ANXA2: variants seen among roughly 807,000 people sequenced by gnomAD.
ANXA2 encodes the protein annexin II.
A neutral mutation model predicts 47.3 loss-of-function variants in ANXA2; 28 were observed. The observed-to-expected ratio is 0.59, with a 90% CI of 0.44 to 0.81. ANXA2 has a LOEUF of 0.81. ANXA2 is among the 40% of genes least tolerant of loss of function. The probability of loss-of-function intolerance (pLI) is 0.00; values close to 1 mark genes in which losing one functional copy is unlikely to be tolerated. For synonymous variants in ANXA2, 172 were observed against 155.5 expected (o/e 1.11, Z -0.79); for missense variants, 384 against 414.3 (o/e 0.93, Z 0.64).
chr15:60,349,143 C>T lies in ANXA2; in HGVS notation c.892G>A (p.Val298Met). ...TCAGACCTAATTTTCAACATGTCCA[C>T]TTCACTGCGGGAGACCATGATTCTG... ...LIRIMVSRSE[V>M]DMLKIRSEFK... Residue 298 changes from valine to methionine, a missense_variant, in exon 12 of 13, where the codon GTG becomes ATG. Physicochemically the swap from Val to Met is conservative, Grantham distance 21. Coordinates refer to ENST00000451270, the MANE Select transcript of ANXA2 (RefSeq NM_004039.3). 6.2e-7 allele frequency: 1 copy of T among 1,614,078 alleles called. No homozygotes were observed. Among genetic ancestry groups the T allele is most frequent in the South Asian group, 1.1e-5 (1 of 91,078 alleles).
chr15:60,386,216 C>G, intron 1 of ANXA2, 130 bp from the exon 2 acceptor site: 1 of 659,122 alleles, frequency 1.5e-6, no homozygotes, highest in South Asian at 2.0e-5. Context: ...TTTTTGCAAA[C>G]AGATGCAATT....
chr15:60,370,805 G>A (rs775371142), intron 3 of ANXA2, among the ~76,000 whole-genome samples: 2 of 152,290 alleles, frequency 1.3e-5, no homozygotes, highest in Admixed American at 6.5e-5. Context: ...TTTGCTGGGC[G>A]GAAGGGCACA....
intron 3 of ANXA2, among the ~76,000 whole-genome samples, chr15:60,375,479 C>G (rs1289313166): frequency 2.6e-5 from 4 of 152,154 alleles, no homozygotes. Context: ...TTATTTGGAC[C>G]CATATGGTAA....
intron 5 of ANXA2, 47 bp downstream of exon 5, chr15:60,360,894 A>C (rs1319632493): frequency 8.0e-7 from 1 of 1,257,224 alleles, no homozygotes; most frequent in East Asian, 2.3e-5. Context: ...TGTAATTCAC[A>C]AAATTAATAG....
intron 7 of ANXA2, among the ~76,000 whole-genome samples, chr15:60,354,833 A>C (rs1043627278): frequency 5.3e-5 from 8 of 152,218 alleles, no homozygotes; most frequent in Admixed American, 2.6e-4. Flanking sequence ...TCTCACAGAG[A>C]GCTTGCAATG....
In ANXA2 at chr15:60,397,879, C is replaced by T. The variant is rs1038582953; in HGVS notation, c.-12+64G>A. ...TCCCTGCCAGGCCGTACCCTTCTTC[C>T]CAGCGTCTCCACACCCCGCTAGCTG... On this transcript the variant is annotated intron_variant, in intron 1 of 12. Transcript: ENST00000451270. The T allele has an allele frequency of 3.6e-5, 50 of 1,378,774 alleles. No individual in the cohort carries two copies. The highest frequency in any genetic ancestry group is 4.1e-5 in the Non-Finnish European group (44 of 1,066,366). 85.4% of individuals were successfully genotyped at this position (1,378,774 alleles called of 1,614,324 possible). A position where few individuals can be genotyped will look rare whatever the true frequency, so the allele number is the denominator to read the frequency against.
chr15:60,382,489 T>G, intron 2 of ANXA2, 48 bp from the exon 3 acceptor site: 1 of 1,354,336 alleles, frequency 7.4e-7, no homozygotes, highest in African/African-American at 1.4e-5. Flanking sequence ...TTTAAAATCC[T>G]CTTGTTGAAA....
chr15:60,397,871 C>A (rs771874058), intron 1 of ANXA2, 72 bp downstream of exon 1: 1 of 1,382,438 alleles, frequency 7.2e-7, no homozygotes, highest in Non-Finnish European at 9.4e-7. Flanking sequence ...CAGGCCGTAC[C>A]CTTCTTCCCA....
chr15:60,367,543 G>A (rs1232439873), intron 3 of ANXA2, among the ~76,000 whole-genome samples: 2 of 53,670 alleles, frequency 3.7e-5, no homozygotes, highest in African/African-American at 9.8e-5. Context: ...CCGGCCAGCC[G>A]CCCCGTCCGG....
intron 7 of ANXA2, among the ~76,000 whole-genome samples, chr15:60,354,960 G>C (rs1307007256): frequency 6.6e-6 from 1 of 152,210 alleles, no homozygotes; most frequent in Non-Finnish European, 1.5e-5. Context: ...CAAAGAGTGT[G>C]AACGATGGGC....
intron 5 of ANXA2, 53 bp from the exon 6 acceptor site, chr15:60,357,289 C>T (rs2062445858): frequency 6.9e-7 from 1 of 1,454,022 alleles, no homozygotes; most frequent in African/African-American, 1.4e-5. Flanking sequence ...CCACCATTAG[C>T]CTACTTCTCT....
At chr15:60,348,936 A>G in intron 12 of ANXA2, 139 bp downstream of exon 12, 1 of 903,942 alleles carries the variant, frequency 1.1e-6, no homozygotes, top group Non-Finnish European at 1.7e-6. Flanking sequence ...TAAATCCCTG[A>G]TAGTTGATGA....
At chr15:60,381,985 C>T (rs1435670104) in intron 3 of ANXA2, among the ~76,000 whole-genome samples, 1 of 129,648 alleles carries the variant, frequency 7.7e-6, no homozygotes, top group African/African-American at 3.0e-5. Flanking sequence ...GTACATCTCT[C>T]CAAAGAGAAG....
chr15:60,392,945 A>C, intron 1 of ANXA2: 8 of 81,548 alleles, frequency 9.8e-5, no homozygotes, highest in Non-Finnish European at 1.2e-4. Context: ...TTTAAACTAA[A>C]AAAAAAAAAA....
At chr15:60,388,078 C>T (rs1328745068) in intron 1 of ANXA2, among the ~76,000 whole-genome samples, 1 of 151,878 alleles carries the variant, frequency 6.6e-6, no homozygotes, top group Non-Finnish European at 1.5e-5. Flanking sequence ...ATCCCAACTA[C>T]TCGGGAGGCT....
intron 9 of ANXA2, 21 bp from the exon 10 acceptor site, chr15:60,351,840 G>A: frequency 3.3e-6 from 5 of 1,529,340 alleles, no homozygotes; most frequent in Non-Finnish European, 4.5e-6. Context: ...ACAACAAAGA[G>A]TTATCAGATC....
chr15:60,385,983 T>C (rs748306219), intron 2 of ANXA2, 45 bp downstream of exon 2: 27 of 1,325,328 alleles, frequency 2.0e-5, no homozygotes, highest in Non-Finnish European at 2.8e-5. Flanking sequence ...TCCAGAGAGA[T>C]GTCCAACTTG....
intron 10 of ANXA2, 131 bp downstream of exon 10, chr15:60,351,593 A>C (rs972399665): frequency 7.3e-5 from 51 of 694,816 alleles, no homozygotes; most frequent in Non-Finnish European, 1.3e-4. Flanking sequence ...TATACAATTA[A>C]GACTGTAAAA....
At chr15:60,371,157 G>A (rs574587595) in intron 3 of ANXA2, among the ~76,000 whole-genome samples, 10 of 152,306 alleles carry the variant, frequency 6.6e-5, no homozygotes, top group African/African-American at 1.4e-4. Context: ...CTCGTTGAAC[G>A]AAAATAGCCA....
Sources: allele counts gnomAD v4.1 joint callset (sites outside exome capture counted in the v4.1 genomes callset), GRCh38; gene constraint gnomAD v4.1.1; transcripts MANE v1.5; gene names NCBI Gene and HGNC (gene_info 2026-07-23, HGNC 2026-07-21).